CLPTM1: variants seen among roughly 807,000 people sequenced by gnomAD.
The protein encoded by CLPTM1 is putative lipid scramblase CLPTM1.
In CLPTM1, 21 loss-of-function variants were observed where a neutral mutation model predicts 77.3. The ratio of observed to expected loss-of-function variants is 0.27; its 90% confidence interval spans 0.19 to 0.39. The LOEUF (loss-of-function observed/expected upper bound fraction) is 0.39. Among genes scored for constraint, CLPTM1 ranks in the 10% least tolerant of loss-of-function variants. CLPTM1 has a pLI of 1.00. For synonymous variants in CLPTM1, 373 were observed against 381.0 expected, an observed-to-expected ratio of 0.98 and a Z score of 0.24; for missense variants, 642 against 921.2, an observed-to-expected ratio of 0.70 and a Z score of 3.92.
rs1970862892 is a variant in CLPTM1, at chr19:44,979,678, C to A, written c.586+2218C>A. ...GACTTGGAAAGGTCTTCTGGAGTTACTTGAGCCCCTTTCTGAGTGAGTGTG... is the reference window on the plus strand; with the variant it reads ...GACTTGGAAAGGTCTTCTGGAGTTAATTGAGCCCCTTTCTGAGTGAGTGTG... On this transcript the variant is annotated intron_variant, in intron 5 of 13. Coordinates refer to ENST00000337392, the MANE Select transcript of CLPTM1 (RefSeq NM_001294.4). Among the ~76,000 whole-genome samples, 3 of 152,086 alleles carry A rather than the reference C, an allele frequency of 2.0e-5. No individual in the cohort carries two copies. In the South Asian group the frequency reaches 6.2e-4, roughly 32 times the overall value.
In CLPTM1 at chr19:44,955,418, ACGGGGCCCGCAGCGCCGTGGTGGCGGC is replaced by A. The variant is rs1461352034; in HGVS notation, c.29_55del (p.Ala10_Gly18del). On this transcript the variant is annotated inframe_deletion, in exon 1 of 14. Coordinates refer to ENST00000337392, the MANE Select transcript of CLPTM1 (RefSeq NM_001294.4). ...AAGATGGCGGCGGCGCAGGAGGCGG[ACGGGGCCCGCAGCGCCGTGGTGGCGGC>A]CGGGGGAGGCAGCTCCGGTCAGGTA... 1.5e-6 allele frequency: 2 copies of A among 1,332,234 alleles called. No homozygotes were observed. Among genetic ancestry groups the A allele is most frequent in the East Asian group, 3.0e-5 (1 of 33,616 alleles). 82.5% of individuals were successfully genotyped at this position (1,332,234 alleles called of 1,614,324 possible). A position where few individuals can be genotyped will look rare whatever the true frequency, so the allele number is the denominator to read the frequency against.
At chr19:44,986,418 A>G in intron 6 of CLPTM1, 37 bp from the exon 7 acceptor site, 3 of 1,603,908 alleles carry the variant, frequency 1.9e-6, no homozygotes, top group Non-Finnish European at 2.6e-6. Flanking sequence ...GAGCACTTCC[A>G]CCTGCCTCTG....
intron 2 of CLPTM1, among the ~76,000 whole-genome samples, chr19:44,967,408 C>G (rs957467330): frequency 6.6e-6 from 1 of 152,020 alleles, no homozygotes; most frequent in African/African-American, 2.4e-5. Context: ...CCTGTAATCC[C>G]AGCACTTTGG....
At chr19:44,988,250 C>T in intron 9 of CLPTM1, 77 bp downstream of exon 9, 1 of 1,040,854 alleles carries the variant, frequency 9.6e-7, no homozygotes, top group Non-Finnish European at 1.5e-6. Flanking sequence ...TCCTCCCCTC[C>T]CTCCCCACAT....
intron 1 of CLPTM1, among the ~76,000 whole-genome samples, chr19:44,961,178 T>C (rs1970537776): frequency 6.6e-6 from 1 of 152,180 alleles, no homozygotes; most frequent in African/African-American, 2.4e-5. Flanking sequence ...GAGCTGGTCA[T>C]AGTTTTGGCC....
intron 5 of CLPTM1, among the ~76,000 whole-genome samples, chr19:44,978,467 C>T (rs748850713): frequency 2.0e-5 from 3 of 151,348 alleles, no homozygotes; most frequent in East Asian, 2.0e-4. Flanking sequence ...AATGAGACTT[C>T]GTTGCTACAA....
chr19:44,976,506 A>G (rs1970807940), intron 4 of CLPTM1, among the ~76,000 whole-genome samples: 2 of 152,344 alleles, frequency 1.3e-5, no homozygotes, highest in Non-Finnish European at 2.9e-5. Context: ...TAAAAAAGAT[A>G]GGGAGAGTGA....
At chr19:44,961,233 C>T (rs1257609986) in intron 1 of CLPTM1, among the ~76,000 whole-genome samples, 4 of 152,162 alleles carry the variant, frequency 2.6e-5, no homozygotes, top group Non-Finnish European at 5.9e-5. Context: ...GTCTTGTGGC[C>T]GTGGCTTATG....
At chr19:44,966,661 C>CAT (rs772973597) in intron 2 of CLPTM1, among the ~76,000 whole-genome samples, 4 of 46 alleles carry the variant, frequency 0.087, no homozygotes, top group African/African-American at 0.25. Flanking sequence ...TTCCACCTCA[C>CAT]AGACAGGGAA....
At position 44,992,527 on chromosome 19, in the gene CLPTM1, C is replaced by G; in HGVS notation, c.1724-84C>G. 2 of 1,594,436 alleles carry G rather than the reference C, an allele frequency of 1.3e-6. No homozygotes were observed. Among genetic ancestry groups the G allele is most frequent in the Non-Finnish European group, 8.6e-7 (1 of 1,166,706 alleles). ...TCAGTCTGAGGGGGCTCGGCCCCGC[C>G]CTTGCATCACGCCCTCTCCACCCAG... On this transcript the variant is annotated intron_variant, in intron 13 of 13. Transcript: ENST00000337392. The surrounding 1 kb of genome is among the most constrained non-coding windows in gnomAD (Gnocchi z 7.7).
upstream of CLPTM1, chr19:44,955,269 G>T (rs1038151964): frequency 6.1e-6 from 9 of 1,468,908 alleles, no homozygotes; most frequent in Non-Finnish European, 8.1e-6. Flanking sequence ...GAGAGGCGTG[G>T]CTGCGGCACT....
In CLPTM1 at chr19:44,986,862, A is replaced by AGGCCAC. The variant is rs1203260375; in HGVS notation, c.793+287_793+288insGGCCAC. The AGGCCAC allele has an allele frequency of 1.5e-3, 776 of 529,034 alleles. 3 individuals are homozygous for AGGCCAC. Among genetic ancestry groups the AGGCCAC allele is most frequent in the African/African-American group, 9.5e-3 (502 of 52,902 alleles). 32.8% of individuals were successfully genotyped at this position (529,034 alleles called of 1,614,324 possible). A position where few individuals can be genotyped will look rare whatever the true frequency, so the allele number is the denominator to read the frequency against. On this transcript the variant is annotated intron_variant, in intron 7 of 13. Transcript: ENST00000337392. ...TGTCTTATCACTTGCCAGCTTTTGA[A>AGGCCAC]ATTGAGGCAGTATCACTTAAAAGCC... is the stretch of plus-strand genomic sequence containing the variant.
chr19:44,971,500 G>T lies in CLPTM1; in HGVS notation c.186-1587G>T, dbSNP rs367667948. On this transcript the variant is annotated intron_variant, in intron 2 of 13. Coordinates refer to ENST00000337392, the MANE Select transcript of CLPTM1 (RefSeq NM_001294.4). The stretch of plus-strand genomic sequence containing the variant: ...AATTCTCCAAAAGTTCAGAAATGTT[G>T]CTCTTTCTAAGCTTCTGTGCCTTCG... Among the ~76,000 whole-genome samples the T allele has an allele frequency of 3.9e-5, 6 of 152,142 alleles. No homozygotes were observed. The East Asian group carries it at 1.2e-3, about 29-fold the overall frequency.
chr19:44,974,320 C>A (rs117266306), intron 3 of CLPTM1, 119 bp from the exon 4 acceptor site: 4 of 956,438 alleles, frequency 4.2e-6, no homozygotes, highest in Non-Finnish European at 6.3e-6. Context: ...TCTCTCCTCT[C>A]CCCTGTCCTC....
At chr19:44,963,326 G>GTT (rs1300871105) in intron 2 of CLPTM1, among the ~76,000 whole-genome samples, 1 of 122,452 alleles carries the variant, frequency 8.2e-6, no homozygotes, top group Admixed American at 9.6e-5. Context: ...TTTATTTTAT[G>GTT]TATTTTTTTT....
rs1971056480 is a variant in CLPTM1, at chr19:44,990,588, A to G, written c.1323+3A>G. On this transcript the variant is annotated splice_donor_region_variant and intron_variant, in intron 10 of 13. Transcript: ENST00000337392. This position sits in a 1 kb window ranked among gnomAD's most constrained non-coding sequence, Gnocchi z 4.8. ...TCACCAAGGTCATGGACGTCCGGGT[A>G]AGGCTGGGGCGCCATGCTGTCTCGG... The G allele has an allele frequency of 2.5e-6, 4 of 1,612,924 alleles. No homozygotes were observed. The highest frequency in any genetic ancestry group is 1.1e-5 in the South Asian group (1 of 91,052).
intron 8 of CLPTM1, chr19:44,987,782 C>T: frequency 1.8e-6 from 1 of 556,768 alleles, no homozygotes; most frequent in Non-Finnish European, 3.2e-6. Flanking sequence ...CTCGGCTTTG[C>T]CTCCTGGGCT....
intron 3 of CLPTM1, among the ~76,000 whole-genome samples, chr19:44,973,771 T>TTTTG (rs1555721371): frequency 9.7e-5 from 3 of 30,946 alleles, no homozygotes; most frequent in Non-Finnish European, 3.0e-4. Context: ...GTTTTTTTTT[T>TTTTG]TTTTTTTTTT....
At chr19:44,971,083 G>A (rs557071171) in intron 2 of CLPTM1, among the ~76,000 whole-genome samples, 4 of 150,652 alleles carry the variant, frequency 2.7e-5, no homozygotes, top group African/African-American at 4.9e-5. Context: ...CACCCACCTC[G>A]GCCTCCCAAA....
Sources: allele counts gnomAD v4.1 joint callset (sites outside exome capture counted in the v4.1 genomes callset), GRCh38; gene constraint gnomAD v4.1.1; non-coding constraint Gnocchi (gnomAD v3.1); transcripts MANE v1.5; gene names NCBI Gene and HGNC (gene_info 2026-07-23, HGNC 2026-07-21).